MSRA: variants seen among roughly 807,000 people sequenced by gnomAD.
MSRA encodes methionine sulfoxide reductase A, also known as mitochondrial peptide methionine sulfoxide reductase.
MSRA carries 54 observed loss-of-function variants against 31.3 expected under a neutral mutation model. The observed-to-expected ratio is 1.73, with a 90% CI of 1.39 to 2.17. MSRA has a LOEUF of 2.17. Ranked by LOEUF, MSRA falls within the 30% of genes most tolerant of loss-of-function variation. The probability of loss-of-function intolerance (pLI) is 0.00; values close to 1 mark genes in which losing one functional copy is unlikely to be tolerated. For synonymous variants in MSRA, 169 were observed against 116.5 expected (o/e 1.45, Z -2.90); for missense variants, 507 against 300.9 (o/e 1.69, Z -5.07).
At chr8:10,365,925 GC>G (rs1486013921) in intron 5 of MSRA, among the ~76,000 whole-genome samples, 4 of 152,158 alleles carry the variant, frequency 2.6e-5, no homozygotes, top group Non-Finnish European at 5.9e-5. Context: ...CTGCATACTT[GC>G]CTTGACTAGT....
intron 5 of MSRA, among the ~76,000 whole-genome samples, chr8:10,379,000 A>AT (rs1355737078): frequency 5.9e-5 from 9 of 152,208 alleles, no homozygotes; most frequent in Non-Finnish European, 1.0e-4. Context: ...ATTTGCCTGC[A>AT]TATTTTTTTA....
chr8:10,127,366 G>A (rs898124513), intron 1 of MSRA, among the ~76,000 whole-genome samples: 4 of 152,190 alleles, frequency 2.6e-5, no homozygotes, highest in Admixed American at 6.5e-5. Context: ...TTTTTACAGT[G>A]TGTGGCTTGT....
At chr8:10,269,234 G>C (rs116075838) in intron 3 of MSRA, among the ~76,000 whole-genome samples, 2,508 of 152,324 alleles carry the variant, frequency 0.016, 70 homozygotes, top group African/African-American at 0.058. Flanking sequence ...TGATACCACA[G>C]AGTGAGCCAT....
chr8:10,072,643 C>T (rs1201141068), intron 1 of MSRA, among the ~76,000 whole-genome samples: 1 of 152,204 alleles, frequency 6.6e-6, no homozygotes, highest in Non-Finnish European at 1.5e-5. Flanking sequence ...TCTCTGTCAA[C>T]AGAAAAACCT....
chr8:10,155,200 G>T (rs1458215422), intron 1 of MSRA, among the ~76,000 whole-genome samples: 1 of 152,068 alleles, frequency 6.6e-6, no homozygotes, highest in Non-Finnish European at 1.5e-5. Flanking sequence ...GCTTATGTCG[G>T]TAGGGATATT....
chr8:10,071,378 T>C lies in MSRA; in HGVS notation c.142+16720T>C, dbSNP rs192391653. Among the ~76,000 whole-genome samples, 7 of 152,280 alleles carry C rather than the reference T, an allele frequency of 4.6e-5. No homozygotes were observed. The East Asian group carries it at 1.3e-3, about 29-fold the overall frequency. ...CTTTACTCTTCAGCGGAGTCTTTTA[T>C]ATATTCTCATTACTAGTTTTCTGTT... On this transcript the variant is annotated intron_variant, in intron 1 of 5. Transcript: ENST00000317173.
At chr8:10,199,438 G>A (rs1585150444) in intron 1 of MSRA, among the ~76,000 whole-genome samples, 1 of 152,182 alleles carries the variant, frequency 6.6e-6, no homozygotes, top group Non-Finnish European at 1.5e-5. Flanking sequence ...TCCTGCCTCA[G>A]CCTCCTGAGT....
At chr8:10,142,530 G>T (rs532427278) in intron 1 of MSRA, among the ~76,000 whole-genome samples, 4 of 152,344 alleles carry the variant, frequency 2.6e-5, no homozygotes, top group African/African-American at 9.6e-5. Context: ...TAGCATTTCT[G>T]ACAAAGGTGA....
chr8:10,163,301 G>A (rs1041256172), intron 1 of MSRA, among the ~76,000 whole-genome samples: 1 of 152,202 alleles, frequency 6.6e-6, no homozygotes, highest in Non-Finnish European at 1.5e-5. Flanking sequence ...AAGCAGGTGT[G>A]CTGAGAATGT....
chr8:10,209,672 G>C (rs946751749), intron 2 of MSRA, among the ~76,000 whole-genome samples: 1 of 152,110 alleles, frequency 6.6e-6, no homozygotes, highest in Non-Finnish European at 1.5e-5. Context: ...CTAAGCCTCC[G>C]CTTTTCGATG....
chr8:10,388,679 CCTT>C (rs1316959637), intron 5 of MSRA, among the ~76,000 whole-genome samples: 1 of 152,070 alleles, frequency 6.6e-6, no homozygotes, highest in Non-Finnish European at 1.5e-5. Flanking sequence ...CAGTCCAACC[CCTT>C]CTTTGTAAGT....
chr8:10,295,929 T>A (rs1800516566), intron 3 of MSRA, among the ~76,000 whole-genome samples: 1 of 152,190 alleles, frequency 6.6e-6, no homozygotes, highest in South Asian at 2.1e-4. Context: ...CTGTAGCCCC[T>A]CTTTCGGAGG....
intron 1 of MSRA, among the ~76,000 whole-genome samples, chr8:10,120,047 C>T (rs968762731): frequency 6.6e-6 from 1 of 152,114 alleles, no homozygotes; most frequent in Admixed American, 6.5e-5. Flanking sequence ...AACTCAGCCA[C>T]TGCCAAACTG....
At chr8:10,205,029 G>A (rs900120319) in intron 1 of MSRA, among the ~76,000 whole-genome samples, 1 of 152,206 alleles carries the variant, frequency 6.6e-6, no homozygotes, top group Admixed American at 6.5e-5. Flanking sequence ...GTGGATGGAT[G>A]AGGGATGCTA....
At chr8:10,118,611 C>T (rs1490620619) in intron 1 of MSRA, among the ~76,000 whole-genome samples, 1 of 152,116 alleles carries the variant, frequency 6.6e-6, no homozygotes, top group Non-Finnish European at 1.5e-5. Context: ...CCGCTCCGCC[C>T]ACACCCTGGG....
At chr8:10,342,163 G>C (rs182198456) in intron 5 of MSRA, among the ~76,000 whole-genome samples, 2 of 152,288 alleles carry the variant, frequency 1.3e-5, no homozygotes, top group African/African-American at 2.4e-5. Flanking sequence ...AGTGTGTTGA[G>C]ATTTTTCCGC....
At chr8:10,178,815 C>G (rs796152582) in intron 1 of MSRA, among the ~76,000 whole-genome samples, 28 of 152,256 alleles carry the variant, frequency 1.8e-4, no homozygotes, top group African/African-American at 5.8e-4. Flanking sequence ...GATAAAGAGG[C>G]AGGGAAATAA....
chr8:10,255,238 C>T (rs1242122777), intron 3 of MSRA, among the ~76,000 whole-genome samples: 1 of 152,222 alleles, frequency 6.6e-6, no homozygotes, highest in South Asian at 2.1e-4. Context: ...TAGCCCACTG[C>T]AAGGCTGCAC....
chr8:10,087,504 C>G (rs1052891770), intron 1 of MSRA, among the ~76,000 whole-genome samples: 24 of 152,144 alleles, frequency 1.6e-4, no homozygotes, highest in Admixed American at 6.5e-5. Context: ...GGAAAGGAGA[C>G]CAGATCTGTG....
Sources: gnomAD v4.1 joint callset for allele counts (sites outside exome capture counted in the v4.1 genomes callset) on GRCh38, gnomAD v4.1.1 for gene constraint, MANE v1.5 for transcripts, NCBI Gene and HGNC (gene_info 2026-07-23, HGNC 2026-07-21) for gene names.